The following GABRB2 variants were observed in gnomAD, a reference collection of about 807,000 sequenced individuals.
GABRB2 encodes the protein gamma-aminobutyric acid receptor subunit beta-2.
A neutral mutation model predicts 54.7 loss-of-function variants in GABRB2; 16 were observed. That is an observed-to-expected ratio of 0.29 (90% CI 0.20 to 0.44). The LOEUF (loss-of-function observed/expected upper bound fraction) is 0.44, where lower values mean the gene tolerates loss of function less well. Ranked by LOEUF, GABRB2 falls within the 20% of genes least tolerant of loss-of-function variation. GABRB2 has a pLI of 1.00. For synonymous variants in GABRB2, 244 were observed against 233.8 expected (o/e 1.04, Z -0.40); for missense variants, 355 against 644.0 (o/e 0.55, Z 4.86).
At position 161,289,099 on chromosome 5, in the gene GABRB2, T is replaced by C. The variant is rs1232930360; in HGVS notation, c.*4982A>G. 6.6e-6 allele frequency: 1 copy of C among 152,132 alleles called. No homozygotes were observed. The highest frequency in any genetic ancestry group is 2.4e-5 in the African/African-American group (1 of 41,446). The allele number at this position is 152,132 out of a possible 1,614,324, so 9.4% of individuals were successfully genotyped here. A position where few individuals can be genotyped will look rare whatever the true frequency, so the allele number is the denominator to read the frequency against. ...GACATACAGTTTTGTTTTTCATCAT[T>C]TGAATCATATTGATCTTCATCACAA... On this transcript the variant is annotated 3_prime_UTR_variant, in exon 10 of 10. Transcript: ENST00000393959.
Position 161,460,652 on chromosome 5 carries a change from A to T in GABRB2, c.238-808T>A, listed in dbSNP as rs563546976. On this transcript the variant is annotated intron_variant, in intron 3 of 9. Coordinates refer to ENST00000393959, the MANE Select transcript of GABRB2 (RefSeq NM_001371727.1). The stretch of plus-strand genomic sequence containing the variant: ...TAAGAATCCATCAATTCATTCTTCC[A>T]TTCATTCATTCATTAAATATATAAT... 2.0e-5 allele frequency among the ~76,000 whole-genome samples: 3 copies of T among 152,254 alleles called. No homozygotes were observed. The South Asian group carries it at 6.2e-4, about 32-fold the overall frequency.
chr5:161,442,505 A>C (rs1233619146), intron 4 of GABRB2, among the ~76,000 whole-genome samples: 1 of 152,162 alleles, frequency 6.6e-6, no homozygotes, highest in Non-Finnish European at 1.5e-5. Flanking sequence ...CTCCCTGTGG[A>C]GTTGTAACTG....
At chr5:161,386,316 C>G (rs567506034) in intron 5 of GABRB2, among the ~76,000 whole-genome samples, 1 of 152,202 alleles carries the variant, frequency 6.6e-6, no homozygotes, top group Non-Finnish European at 1.5e-5. Flanking sequence ...CAATTATCTC[C>G]ACAGTAAAGA....
intron 3 of GABRB2, among the ~76,000 whole-genome samples, chr5:161,539,288 G>C (rs1374647705): frequency 6.6e-6 from 1 of 152,118 alleles, no homozygotes; most frequent in African/African-American, 2.4e-5. Flanking sequence ...TTCATTCCAA[G>C]GCCAAGCTTT....
At chr5:161,317,967 G>A (rs968489266) in intron 9 of GABRB2, among the ~76,000 whole-genome samples, 14 of 151,972 alleles carry the variant, frequency 9.2e-5, no homozygotes, top group Admixed American at 8.5e-4. Context: ...GCTGCTGAAG[G>A]GAAAGTGAGA....
chr5:161,368,696 C>G lies in GABRB2; in HGVS notation c.542-31927G>C, dbSNP rs866521611. 2.0e-5 allele frequency among the ~76,000 whole-genome samples: 3 copies of G among 152,098 alleles called. No individual in the cohort carries two copies. The South Asian group carries it at 6.2e-4, about 32-fold the overall frequency. On this transcript the variant is annotated intron_variant, in intron 5 of 9. Transcript: ENST00000393959. Reference sequence around the variant, plus strand: ...AGGCAATTCGTTTTTCAGTGCCAGTCTAAGAAGCGATAGTCATCCAAACAA... The same window carrying G: ...AGGCAATTCGTTTTTCAGTGCCAGTGTAAGAAGCGATAGTCATCCAAACAA...
At chr5:161,433,697 T>C (rs970495989) in intron 4 of GABRB2, among the ~76,000 whole-genome samples, 8 of 152,124 alleles carry the variant, frequency 5.3e-5, no homozygotes, top group African/African-American at 1.9e-4. Flanking sequence ...TCTCATCAAT[T>C]CTTGATTACT....
At chr5:161,464,872 G>T (rs1309077677) in intron 3 of GABRB2, among the ~76,000 whole-genome samples, 1 of 151,986 alleles carries the variant, frequency 6.6e-6, no homozygotes, top group Non-Finnish European at 1.5e-5. Context: ...CAGATGAACG[G>T]TCCCCTGGGG....
At chr5:161,468,351 A>G (rs1236483965) in intron 3 of GABRB2, among the ~76,000 whole-genome samples, 1 of 151,994 alleles carries the variant, frequency 6.6e-6, no homozygotes, top group Non-Finnish European at 1.5e-5. Context: ...TCCACTCACT[A>G]AGCCCATCCA....
chr5:161,450,817 A>T (rs1428365764), intron 4 of GABRB2, among the ~76,000 whole-genome samples: 1 of 152,164 alleles, frequency 6.6e-6, no homozygotes, highest in African/African-American at 2.4e-5. Flanking sequence ...AGGTAATTGC[A>T]GTTCTTTAAA....
intron 4 of GABRB2, among the ~76,000 whole-genome samples, chr5:161,440,374 A>G (rs1757434731): frequency 1.3e-5 from 2 of 152,180 alleles, no homozygotes; most frequent in Non-Finnish European, 1.5e-5. Flanking sequence ...ACACATATAG[A>G]CTGAAAATAA....
chr5:161,427,212 C>T (rs6896733), intron 4 of GABRB2, among the ~76,000 whole-genome samples: 66,304 of 151,970 alleles, frequency 0.44, 16,177 homozygotes, highest in African/African-American at 0.68. Flanking sequence ...AGAAGACTAA[C>T]AGATGTAATA....
In GABRB2 at chr5:161,366,050, G is replaced by T. The variant is rs1331173253; in HGVS notation, c.542-29281C>A. ...ATGAATTCGCATGAAAAGTTGTCAAGTTATCTAGTATGAACTCCGTAAAGC... is the reference window on the plus strand; with the variant it reads ...ATGAATTCGCATGAAAAGTTGTCAATTTATCTAGTATGAACTCCGTAAAGC... On this transcript the variant is annotated intron_variant, in intron 5 of 9. Coordinates refer to ENST00000393959, the MANE Select transcript of GABRB2 (RefSeq NM_001371727.1). 1.1e-4 allele frequency among the ~76,000 whole-genome samples: 16 copies of T among 149,918 alleles called. No individual in the cohort carries two copies. In the Admixed American group the frequency reaches 1.1e-3, roughly 10 times the overall value.
intron 4 of GABRB2, among the ~76,000 whole-genome samples, chr5:161,412,106 G>A (rs1756531301): frequency 1.3e-5 from 2 of 152,128 alleles, no homozygotes; most frequent in Admixed American, 6.5e-5. Flanking sequence ...GCTCCAGCTT[G>A]GGAGAAACGA....
intron 3 of GABRB2, among the ~76,000 whole-genome samples, chr5:161,480,397 T>C (rs763397128): frequency 1.3e-5 from 2 of 152,086 alleles, no homozygotes; most frequent in Non-Finnish European, 2.9e-5. Context: ...GATATTTATC[T>C]ATTAAACTCA....
At position 161,290,437 on chromosome 5, in the gene GABRB2, C is replaced by T. The variant is rs1757205511; in HGVS notation, c.*3644G>A. The T allele has an allele frequency of 6.6e-6, 1 of 152,412 alleles. No individual in the cohort carries two copies. The highest frequency in any genetic ancestry group is 2.1e-4 in the South Asian group (1 of 4,830). 9.4% of individuals were successfully genotyped at this position (152,412 alleles called of 1,614,324 possible). A position where few individuals can be genotyped will look rare whatever the true frequency, so the allele number is the denominator to read the frequency against. The stretch of plus-strand genomic sequence containing the variant: ...AGTACTATTGTCGAGTTGAACTGTG[C>T]AATGGTTCATAAAAACTGTAGGCAT... On this transcript the variant is annotated 3_prime_UTR_variant, in exon 10 of 10. Coordinates refer to ENST00000393959, the MANE Select transcript of GABRB2 (RefSeq NM_001371727.1).
At chr5:161,441,593 G>A (rs908293913) in intron 4 of GABRB2, among the ~76,000 whole-genome samples, 5 of 152,102 alleles carry the variant, frequency 3.3e-5, no homozygotes, top group African/African-American at 7.2e-5. Context: ...ATCAGCTATC[G>A]CACTGCTGGG....
intron 3 of GABRB2, among the ~76,000 whole-genome samples, chr5:161,513,056 G>GAAAAAAAAAAAAAAAA (rs755660749): frequency 3.7e-5 from 5 of 135,918 alleles, no homozygotes; most frequent in African/African-American, 1.3e-4. Flanking sequence ...AAAGAAAAAA[G>GAAAAAAAAAAAAAAAA]AAAAAAAAAA....
At chr5:161,334,723 A>G (rs761890379) in intron 7 of GABRB2, 29 bp downstream of exon 7, 2 of 1,610,372 alleles carry the variant, frequency 1.2e-6, no homozygotes, top group South Asian at 1.1e-5. Context: ...ACAGAGTCAA[A>G]ATCCACAAGC....
Sources: allele counts gnomAD v4.1 joint callset (sites outside exome capture counted in the v4.1 genomes callset), GRCh38; gene constraint gnomAD v4.1.1; transcripts MANE v1.5; gene names NCBI Gene and HGNC (gene_info 2026-07-23, HGNC 2026-07-21).